The following MAGI2 variants were observed in gnomAD, a reference collection of about 807,000 sequenced individuals.
The protein encoded by MAGI2 is membrane associated guanylate kinase, WW and PDZ domain containing 2.
In MAGI2, 35 loss-of-function variants were observed where a neutral mutation model predicts 133.3. That is an observed-to-expected ratio of 0.26 (90% CI 0.20 to 0.35). The LOEUF is 0.35. Among genes scored for constraint, MAGI2 ranks in the 10% least tolerant of loss-of-function variants. The pLI, the probability that MAGI2 is intolerant of heterozygous loss-of-function variation, is 1.00. For missense variants in MAGI2, 1,636 were observed against 1,863.4 expected (o/e 0.88, Z 2.25); for synonymous variants, 729 against 710.6 (o/e 1.03, Z -0.41).
rs1461513471 is a variant in MAGI2 at position 79,310,159 on chromosome 7, T to C, written c.301+142861A>G. Among the ~76,000 whole-genome samples, 126 of 16,508 alleles carry C rather than the reference T, an allele frequency of 7.6e-3. 1 individual carries two copies. Among genetic ancestry groups the C allele is most frequent in the African/African-American group, 0.023 (121 of 5,284 alleles). The allele number at this position is 16,508 out of a possible 152,430, so 10.8% of individuals were successfully genotyped here. On this transcript the variant is annotated intron_variant, in intron 1 of 21. Coordinates refer to ENST00000354212, the MANE Select transcript of MAGI2 (RefSeq NM_012301.4). ...AGCCTGGGAGACAGAGGAGAGTCCA[T>C]CTCAAAAAAAAAAAAAAAAAAAAAA...
intron 2 of MAGI2, among the ~76,000 whole-genome samples, chr7:78,843,178 G>A (rs922981111): frequency 2.6e-5 from 4 of 151,738 alleles, no homozygotes; most frequent in Non-Finnish European, 5.9e-5. Context: ...CAACTCCCAG[G>A]CCCCCAAGTT....
At chr7:78,136,796 G>A (rs1298858947) in intron 16 of MAGI2, among the ~76,000 whole-genome samples, 15 of 152,200 alleles carry the variant, frequency 9.9e-5, no homozygotes, top group Admixed American at 7.9e-4. Flanking sequence ...ATGCTTTACA[G>A]CGAAAGGCAG....
At chr7:79,006,184 TG>T (rs1468174178) in intron 2 of MAGI2, among the ~76,000 whole-genome samples, 1 of 152,192 alleles carries the variant, frequency 6.6e-6, no homozygotes, top group African/African-American at 2.4e-5. Context: ...TAATTTTTTT[TG>T]TTTTGCTTAT....
chr7:78,511,871 G>A (rs932398266), intron 4 of MAGI2, among the ~76,000 whole-genome samples: 3 of 151,398 alleles, frequency 2.0e-5, no homozygotes, highest in Admixed American at 2.0e-4. Flanking sequence ...CGAGGTGGGT[G>A]GATCACAAAG....
intron 1 of MAGI2, among the ~76,000 whole-genome samples, chr7:79,271,452 T>C (rs1444079438): frequency 6.6e-6 from 1 of 152,084 alleles, no homozygotes; most frequent in Admixed American, 6.6e-5. Context: ...TACTAAATAA[T>C]TGGAATCAGC....
intron 2 of MAGI2, among the ~76,000 whole-genome samples, chr7:78,971,061 G>A (rs975124181): frequency 1.3e-5 from 2 of 151,986 alleles, no homozygotes; most frequent in African/African-American, 4.8e-5. Flanking sequence ...ATTAAAAAAT[G>A]ATAGTTTACT....
At chr7:79,199,530 G>T (rs1195942647) in intron 1 of MAGI2, among the ~76,000 whole-genome samples, 2 of 151,992 alleles carry the variant, frequency 1.3e-5, no homozygotes, top group East Asian at 3.9e-4. Flanking sequence ...GTTGGTCTGG[G>T]ATTCAAAGCT....
chr7:78,046,074 G>A (rs183635682), intron 21 of MAGI2, among the ~76,000 whole-genome samples: 224 of 152,004 alleles, frequency 1.5e-3, no homozygotes, highest in Non-Finnish European at 2.7e-3. Context: ...AAGGAATCCC[G>A]CTTTCTCTGG....
chr7:78,990,071 C>G (rs1219849129), intron 2 of MAGI2, among the ~76,000 whole-genome samples: 1 of 151,940 alleles, frequency 6.6e-6, no homozygotes, highest in Non-Finnish European at 1.5e-5. Context: ...TTGTAACAAC[C>G]AAATTTATTG....
chr7:79,214,476 T>A (rs1829833925), intron 1 of MAGI2, among the ~76,000 whole-genome samples: 1 of 133,392 alleles, frequency 7.5e-6, no homozygotes, highest in Non-Finnish European at 1.6e-5. Context: ...TATATATACA[T>A]ATATATGTAT....
intron 6 of MAGI2, among the ~76,000 whole-genome samples, chr7:78,378,344 G>T (rs1007668767): frequency 1.3e-5 from 2 of 151,944 alleles, no homozygotes; most frequent in Non-Finnish European, 2.9e-5. Flanking sequence ...ACATAAAACT[G>T]TGATCCAAGA....
intron 1 of MAGI2, among the ~76,000 whole-genome samples, chr7:79,417,819 CT>C (rs1361121396): frequency 4.6e-5 from 7 of 151,554 alleles, no homozygotes; most frequent in African/African-American, 1.7e-4. Flanking sequence ...CAATGAAGTT[CT>C]TTTTTTAATA....
At chr7:78,883,869 G>T (rs1047977218) in intron 2 of MAGI2, among the ~76,000 whole-genome samples, 1 of 152,172 alleles carries the variant, frequency 6.6e-6, no homozygotes, top group Non-Finnish European at 1.5e-5. Context: ...ATGGATTAAA[G>T]ATTTAAATGT....
At chr7:78,811,855 T>A (rs1156235961) in intron 2 of MAGI2, among the ~76,000 whole-genome samples, 1 of 152,168 alleles carries the variant, frequency 6.6e-6, no homozygotes, top group Non-Finnish European at 1.5e-5. Flanking sequence ...TTGCCTCACA[T>A]GGCAAAAGAG....
chr7:79,362,486 G>A (rs1294143152), intron 1 of MAGI2, among the ~76,000 whole-genome samples: 1 of 151,898 alleles, frequency 6.6e-6, no homozygotes, highest in African/African-American at 2.4e-5. Flanking sequence ...AAATTTAGAA[G>A]AGTAGGGAAT....
chr7:79,311,391 T>C (rs1160203087), intron 1 of MAGI2, among the ~76,000 whole-genome samples: 3 of 152,086 alleles, frequency 2.0e-5, no homozygotes, highest in Non-Finnish European at 4.4e-5. Flanking sequence ...AATTTATGAA[T>C]TTGTGTTGTG....
intron 1 of MAGI2, among the ~76,000 whole-genome samples, chr7:79,211,932 G>A (rs558184386): frequency 3.3e-5 from 5 of 152,042 alleles, no homozygotes; most frequent in African/African-American, 1.2e-4. Flanking sequence ...AACAAACACA[G>A]CTTGTGTAAT....
intron 1 of MAGI2, among the ~76,000 whole-genome samples, chr7:79,227,340 G>T (rs1054134508): frequency 1.3e-5 from 2 of 152,138 alleles, no homozygotes; most frequent in Non-Finnish European, 2.9e-5. Flanking sequence ...GAGTGTTGTT[G>T]TCTTACTCTC....
At chr7:79,157,943 T>TGAGTGA (rs201963951) in intron 1 of MAGI2, among the ~76,000 whole-genome samples, 39 of 38,980 alleles carry the variant, frequency 1.0e-3, no homozygotes, top group African/African-American at 1.4e-3. Flanking sequence ...TTTGTGTGAG[T>TGAGTGA]GTGTGTGTGT....
Sources: gnomAD v4.1 joint callset for allele counts (sites outside exome capture counted in the v4.1 genomes callset) on GRCh38, gnomAD v4.1.1 for gene constraint, MANE v1.5 for transcripts, NCBI Gene and HGNC (gene_info 2026-07-23, HGNC 2026-07-21) for gene names.